PHF2: variants seen among roughly 807,000 people sequenced by gnomAD.
PHF2 encodes lysine-specific demethylase PHF2.
Under a neutral mutation model 120.5 loss-of-function variants are expected in PHF2, and 27 were observed. That is an observed-to-expected ratio of 0.22 (90% CI 0.17 to 0.31). PHF2 has a LOEUF of 0.31. Ranked by LOEUF, PHF2 falls within the 10% of genes least tolerant of loss-of-function variation. The probability of loss-of-function intolerance (pLI) is 1.00; values close to 1 mark genes in which losing one functional copy is unlikely to be tolerated. For missense variants in PHF2, 1,024 were observed against 1,434.8 expected, an observed-to-expected ratio of 0.71 and a Z score of 4.63; for synonymous variants, 568 against 592.5, an observed-to-expected ratio of 0.96 and a Z score of 0.60.
At chr9:93,611,214 A>G (rs548323704) in intron 1 of PHF2, among the ~76,000 whole-genome samples, 1 of 152,244 alleles carries the variant, frequency 6.6e-6, no homozygotes, top group South Asian at 2.1e-4. Context: ...TCAGGAGTTC[A>G]CGACCAGCCT....
At chr9:93,613,272 A>G (rs1825667732) in intron 1 of PHF2, among the ~76,000 whole-genome samples, 1 of 152,230 alleles carries the variant, frequency 6.6e-6, no homozygotes, top group South Asian at 2.1e-4. Context: ...GCACCTCAGC[A>G]TAGACTCTGT....
At chr9:93,613,738 A>G (rs1336429641) in intron 1 of PHF2, among the ~76,000 whole-genome samples, 1 of 151,760 alleles carries the variant, frequency 6.6e-6, no homozygotes, top group Non-Finnish European at 1.5e-5. Context: ...ATGGCTGGCT[A>G]ATTTTTATAT....
At chr9:93,629,544 A>G (rs547997122) in intron 1 of PHF2, among the ~76,000 whole-genome samples, 2 of 152,294 alleles carry the variant, frequency 1.3e-5, no homozygotes, top group East Asian at 1.9e-4. Context: ...TGGCTATGGT[A>G]TGGCCCACAG....
chr9:93,660,614 C>T (rs1826547958), intron 12 of PHF2, 54 bp downstream of exon 12: 2 of 1,472,232 alleles, frequency 1.4e-6, no homozygotes, highest in African/African-American at 1.4e-5. Flanking sequence ...GCTGCAGCAT[C>T]TCTTGTGGGC....
intron 1 of PHF2, among the ~76,000 whole-genome samples, chr9:93,628,097 A>G (rs1209840923): frequency 2.6e-5 from 4 of 152,196 alleles, no homozygotes; most frequent in African/African-American, 9.7e-5. Flanking sequence ...CATTCCTGTG[A>G]TAAATCCCAC....
intron 7 of PHF2, among the ~76,000 whole-genome samples, chr9:93,655,627 C>T (rs1314085779): frequency 6.6e-6 from 1 of 152,222 alleles, no homozygotes; most frequent in African/African-American, 2.4e-5. Context: ...CTCTGGGCCT[C>T]GGTTTCCCTG....
chr9:93,667,590 C>T (rs1008845947), intron 17 of PHF2, among the ~76,000 whole-genome samples: 1 of 152,128 alleles, frequency 6.6e-6, no homozygotes, highest in African/African-American at 2.4e-5. Context: ...TAGCCCCCTC[C>T]ATGGTGCCCC....
rs747645061 is a variant in PHF2 at position 93,636,531 on chromosome 9, C to T, written c.299+6C>T. On this transcript the variant is annotated splice_donor_region_variant and intron_variant, in intron 3 of 21. Transcript: ENST00000359246. ...CGGAGCCGGACCTTTCCCAGGTGGGCTGGCCTTCCTGTATGCTCCACCACC... is the reference window on the plus strand; with the variant it reads ...CGGAGCCGGACCTTTCCCAGGTGGGTTGGCCTTCCTGTATGCTCCACCACC... The T allele has an allele frequency of 1.3e-4, 211 of 1,565,396 alleles. No homozygotes were observed. Among genetic ancestry groups the T allele is most frequent in the Non-Finnish European group, 1.8e-4 (206 of 1,152,854 alleles).
In PHF2 at chr9:93,652,973, A is replaced by G. The variant is rs545636080; in HGVS notation, c.603-206A>G. On this transcript the variant is annotated intron_variant, in intron 5 of 21. Transcript: ENST00000359246. The stretch of plus-strand genomic sequence containing the variant: ...GGGGGTGGAGGCCAGCGTCAGACCC[A>G]GTCTCCTGCCAGGGCCACAGCCAGC... 2.6e-5 allele frequency among the ~76,000 whole-genome samples: 4 copies of G among 152,238 alleles called. No individual in the cohort carries two copies. The South Asian group carries it at 8.3e-4, about 32-fold the overall frequency.
chr9:93,678,962 A>C lies in PHF2; in HGVS notation c.*1286A>C, dbSNP rs1826972296. ...TTACACTCTGTCTTTACAGAAGCAA[A>C]TAGTACACAAAAGATCTATTTCAGA... On this transcript the variant is annotated 3_prime_UTR_variant, in exon 22 of 22. Transcript: ENST00000359246. The C allele has an allele frequency of 3.5e-6, 1 of 289,790 alleles. No homozygotes were observed. Among genetic ancestry groups the C allele is most frequent in the African/African-American group, 2.3e-5 (1 of 43,352 alleles). The allele number at this position is 289,790 out of a possible 1,614,324, so 18.0% of individuals were successfully genotyped here.
intron 1 of PHF2, among the ~76,000 whole-genome samples, chr9:93,581,961 A>G (rs915181616): frequency 6.6e-6 from 1 of 152,196 alleles, no homozygotes; most frequent in Non-Finnish European, 1.5e-5. Context: ...GGGTAAAACA[A>G]AGTCCATCTC....
intron 1 of PHF2, among the ~76,000 whole-genome samples, chr9:93,585,515 C>T (rs1285061843): frequency 6.6e-6 from 1 of 152,242 alleles, no homozygotes; most frequent in Non-Finnish European, 1.5e-5. Context: ...GATGGTTCTG[C>T]TCAGGTGGAG....
intron 3 of PHF2, among the ~76,000 whole-genome samples, chr9:93,644,080 G>A (rs774405015): frequency 3.3e-5 from 5 of 152,102 alleles, no homozygotes; most frequent in Non-Finnish European, 7.4e-5. Flanking sequence ...CTACACCACT[G>A]CCCTGCTTAG....
At chr9:93,620,437 C>G (rs891892074) in intron 1 of PHF2, among the ~76,000 whole-genome samples, 1 of 152,240 alleles carries the variant, frequency 6.6e-6, no homozygotes, top group African/African-American at 2.4e-5. Context: ...GTGAGCTCAG[C>G]TCCTGTGAGC....
chr9:93,636,756 A>G (rs1327791638), intron 3 of PHF2, among the ~76,000 whole-genome samples: 1 of 152,104 alleles, frequency 6.6e-6, no homozygotes, highest in Non-Finnish European at 1.5e-5. Flanking sequence ...GGGGTGGGGG[A>G]CAAGTATTGG....
At chr9:93,632,372 A>G (rs1385069743) in intron 2 of PHF2, among the ~76,000 whole-genome samples, 1 of 152,168 alleles carries the variant, frequency 6.6e-6, no homozygotes, top group Non-Finnish European at 1.5e-5. Context: ...GTGCATGTGT[A>G]TGTGTGTGTG....
intron 10 of PHF2, 33 bp downstream of exon 10, chr9:93,658,269 G>A: frequency 6.5e-7 from 1 of 1,550,008 alleles, no homozygotes; most frequent in East Asian, 2.3e-5. Flanking sequence ...CCTAGGGCAG[G>A]AGAGCAGTGA....
chr9:93,644,121 T>C (rs893453114), intron 3 of PHF2, among the ~76,000 whole-genome samples: 1 of 152,252 alleles, frequency 6.6e-6, no homozygotes, highest in African/African-American at 2.4e-5. Context: ...GCGCGGTGGC[T>C]CACGCCTGTA....
At chr9:93,623,248 A>G (rs1276400758) in intron 1 of PHF2, among the ~76,000 whole-genome samples, 1 of 152,204 alleles carries the variant, frequency 6.6e-6, no homozygotes, top group Non-Finnish European at 1.5e-5. Flanking sequence ...GCTCCAGGGC[A>G]ATATATTATA....
Sources: allele counts gnomAD v4.1 joint callset (sites outside exome capture counted in the v4.1 genomes callset), GRCh38; gene constraint gnomAD v4.1.1; transcripts MANE v1.5; gene names NCBI Gene and HGNC (gene_info 2026-07-23, HGNC 2026-07-21).